The following PKHD1 variants were observed in gnomAD, a reference collection of about 807,000 sequenced individuals.
PKHD1 encodes fibrocystin.
PKHD1 carries 291 observed loss-of-function variants against 412.0 expected under a neutral mutation model. The observed-to-expected ratio is 0.71, with a 90% confidence interval of 0.64 to 0.78. The LOEUF (loss-of-function observed/expected upper bound fraction) is 0.78, where lower values mean the gene tolerates loss of function less well. Among genes scored for constraint, PKHD1 ranks in the 30% least tolerant of loss-of-function variants. The probability of loss-of-function intolerance (pLI) is 0.00; values close to 1 mark genes in which losing one functional copy is unlikely to be tolerated. For missense variants in PKHD1, 4,825 were observed against 4,950.7 expected (o/e 0.97, Z 0.76); for synonymous variants, 1,777 against 1,821.5 (o/e 0.98, Z 0.62).
intron 61 of PKHD1, among the ~76,000 whole-genome samples, chr6:51,657,912 A>G (rs188757499): frequency 6.6e-6 from 1 of 152,146 alleles, no homozygotes; most frequent in African/African-American, 2.4e-5. Context: ...AAATCTAAAT[A>G]AAATTAAGCA....
chr6:51,729,964 C>G (rs1273148672), intron 60 of PKHD1, among the ~76,000 whole-genome samples: 1 of 152,172 alleles, frequency 6.6e-6, no homozygotes, highest in African/African-American at 2.4e-5. Flanking sequence ...CAGCTGGACT[C>G]AGTGCAAGAA....
chr6:51,920,909 T>C (rs1374817273), intron 37 of PKHD1, among the ~76,000 whole-genome samples: 1 of 152,234 alleles, frequency 6.6e-6, no homozygotes, highest in Non-Finnish European at 1.5e-5. Flanking sequence ...TTTATTTGTG[T>C]AGAGGTGTTT....
intron 35 of PKHD1, among the ~76,000 whole-genome samples, chr6:51,989,175 C>T (rs1339844336): frequency 6.6e-6 from 1 of 152,082 alleles, no homozygotes; most frequent in Non-Finnish European, 1.5e-5. Flanking sequence ...ACAAAAACTT[C>T]ATGAGAGAAA....
intron 29 of PKHD1, among the ~76,000 whole-genome samples, chr6:52,028,965 G>A (rs1342947039): frequency 6.6e-6 from 1 of 152,210 alleles, no homozygotes; most frequent in African/African-American, 2.4e-5. Context: ...CCAGCAAAGA[G>A]CACCACATAT....
At chr6:51,936,816 T>A (rs1376084463) in intron 36 of PKHD1, among the ~76,000 whole-genome samples, 2 of 77,546 alleles carry the variant, frequency 2.6e-5, no homozygotes, top group Non-Finnish European at 4.9e-5. Context: ...GACACCAAAT[T>A]CCAACCTGAC....
At chr6:51,706,432 C>T (rs1357827352) in intron 60 of PKHD1, among the ~76,000 whole-genome samples, 1 of 151,682 alleles carries the variant, frequency 6.6e-6, no homozygotes, top group Non-Finnish European at 1.5e-5. Flanking sequence ...CCTTTCCCCA[C>T]CCTGTCAAGG....
rs551530607 is a variant in PKHD1, at chr6:51,752,050, TC to T, written c.8950+1150del. Among the ~76,000 whole-genome samples, 105 of 152,286 alleles carry T rather than the reference TC, an allele frequency of 6.9e-4. 3 individuals carry two copies. In the South Asian group the frequency reaches 0.021, roughly 31 times the overall value. On this transcript the variant is annotated intron_variant, in intron 57 of 66. Coordinates refer to ENST00000371117, the MANE Select transcript of PKHD1 (RefSeq NM_138694.4). ...TGTAAGAACTGGCCTTCTGTCCTGT[TC>T]CTGTGACCATGCTCCAGCTTGCCCT...
intron 27 of PKHD1, among the ~76,000 whole-genome samples, chr6:52,037,276 A>G (rs1289045465): frequency 6.6e-6 from 1 of 152,104 alleles, no homozygotes; most frequent in Non-Finnish European, 1.5e-5. Flanking sequence ...TTTTGACTAG[A>G]AGGAAACATG....
At chr6:51,804,099 G>A (rs1320456713) in intron 52 of PKHD1, among the ~76,000 whole-genome samples, 1 of 151,334 alleles carries the variant, frequency 6.6e-6, no homozygotes, top group African/African-American at 2.5e-5. Context: ...TCATGGCAAA[G>A]CCCAGGCAAC....
At chr6:51,873,325 T>A (rs1776296441) in intron 46 of PKHD1, among the ~76,000 whole-genome samples, 1 of 152,218 alleles carries the variant, frequency 6.6e-6, no homozygotes, top group African/African-American at 2.4e-5. Context: ...GAGAAATTAA[T>A]CTATATCGAT....
chr6:52,057,992 A>G (rs1300867509), intron 16 of PKHD1, among the ~76,000 whole-genome samples: 1 of 152,216 alleles, frequency 6.6e-6, no homozygotes, highest in African/African-American at 2.4e-5. Context: ...AAATTATGGA[A>G]TTTAATGTGT....
intron 60 of PKHD1, among the ~76,000 whole-genome samples, chr6:51,673,463 G>A (rs918438201): frequency 2.0e-5 from 3 of 152,172 alleles, no homozygotes; most frequent in Non-Finnish European, 4.4e-5. Context: ...TATGGTGGCC[G>A]ACTCACTTGC....
intron 36 of PKHD1, 113 bp from the exon 37 acceptor site, chr6:51,934,435 C>A: frequency 2.7e-6 from 2 of 741,708 alleles, no homozygotes; most frequent in East Asian, 5.3e-5. Context: ...GGAATGTAGA[C>A]TTATTTTATC....
intron 19 of PKHD1, among the ~76,000 whole-genome samples, chr6:52,054,894 A>G (rs1196450176): frequency 3.3e-5 from 5 of 152,162 alleles, no homozygotes; most frequent in Non-Finnish European, 7.4e-5. Flanking sequence ...ATTTAGCCCC[A>G]ACTCCCACAG....
chr6:52,048,649 G>C, intron 22 of PKHD1, 30 bp from the exon 23 acceptor site: 1 of 1,613,336 alleles, frequency 6.2e-7, no homozygotes, highest in Non-Finnish European at 8.5e-7. Flanking sequence ...AAGTATTAAC[G>C]TCTGGGTTGG....
In PKHD1 at chr6:51,883,267, G is replaced by C. The variant is rs141489784; in HGVS notation, c.7216-40C>G. 9 of 1,595,542 alleles carry C rather than the reference G, an allele frequency of 5.6e-6. No individual in the cohort carries two copies. In the Admixed American group the frequency reaches 1.5e-4, roughly 27 times the overall value. ...ATGTTACAGCAAAGGTCTGAGGCTT[G>C]GTTTTTCTTGCGGACTTCCTGTAGC... On this transcript the variant is annotated intron_variant, in intron 45 of 66. Transcript: ENST00000371117.
intron 8 of PKHD1, 54 bp downstream of exon 8, chr6:52,072,061 T>C: frequency 1.0e-6 from 1 of 972,770 alleles, no homozygotes; most frequent in Non-Finnish European, 1.7e-6. Flanking sequence ...GTGTGTTGTA[T>C]CCATGTGGAC....
chr6:51,864,581 G>A (rs769724143), intron 48 of PKHD1, among the ~76,000 whole-genome samples: 4 of 152,082 alleles, frequency 2.6e-5, no homozygotes, highest in Non-Finnish European at 5.9e-5. Flanking sequence ...ACCAGCATTT[G>A]CCTCAGTGGG....
chr6:52,027,466 A>T (rs1045152239), intron 31 of PKHD1, among the ~76,000 whole-genome samples: 4 of 150,052 alleles, frequency 2.7e-5, no homozygotes, highest in Non-Finnish European at 4.4e-5. Context: ...CGGGAGGCAG[A>T]CATTGCAGTG....
Sources: gnomAD v4.1 joint callset for allele counts (sites outside exome capture counted in the v4.1 genomes callset) on GRCh38, gnomAD v4.1.1 for gene constraint, MANE v1.5 for transcripts, NCBI Gene and HGNC (gene_info 2026-07-23, HGNC 2026-07-21) for gene names.